Variants in COG5 observed in about 807,000 individuals in gnomAD.
The protein encoded by COG5 is component of oligomeric golgi complex 5.
In COG5, 86 loss-of-function variants were observed where a neutral mutation model predicts 110.4. The ratio of observed to expected loss-of-function variants is 0.78; its 90% CI spans 0.65 to 0.93. The LOEUF is 0.93. Among genes scored for constraint, COG5 ranks in the 40% least tolerant of loss-of-function variants. The pLI, the probability that COG5 is intolerant of heterozygous loss-of-function variation, is 0.00. For missense variants in COG5, 1,077 were observed against 987.0 expected (o/e 1.09, Z -1.22); for synonymous variants, 360 against 334.6 (o/e 1.08, Z -0.83).
chr7:107,337,130 T>C (rs533013031), intron 10 of COG5, among the ~76,000 whole-genome samples: 1 of 151,958 alleles, frequency 6.6e-6, no homozygotes, highest in African/African-American at 2.4e-5. Flanking sequence ...ATGACTACTA[T>C]TAAAAAAACA....
intron 11 of COG5, among the ~76,000 whole-genome samples, chr7:107,317,155 G>A (rs1043520188): frequency 1.3e-5 from 2 of 152,068 alleles, no homozygotes; most frequent in Admixed American, 1.3e-4. Context: ...ATAGGACGGT[G>A]ATTCCTCAGA....
At chr7:107,544,000 C>T (rs1043418472) in intron 5 of COG5, among the ~76,000 whole-genome samples, 2 of 152,050 alleles carry the variant, frequency 1.3e-5, no homozygotes, top group African/African-American at 4.8e-5. Context: ...CCCTTGCAGA[C>T]CCAGCCTCCA....
At chr7:107,550,578 T>G (rs1802812365) in intron 3 of COG5, among the ~76,000 whole-genome samples, 1 of 152,192 alleles carries the variant, frequency 6.6e-6, no homozygotes, top group Non-Finnish European at 1.5e-5. Context: ...TCTCCTCAAA[T>G]CTTCACATGA....
chr7:107,561,382 G>A (rs1584969696), intron 1 of COG5, among the ~76,000 whole-genome samples: 1 of 152,178 alleles, frequency 6.6e-6, no homozygotes, highest in Non-Finnish European at 1.5e-5. Flanking sequence ...AACAGAGACC[G>A]CTTAATTCAG....
intron 6 of COG5, among the ~76,000 whole-genome samples, chr7:107,428,605 G>T (rs555801610): frequency 6.6e-6 from 1 of 152,308 alleles, no homozygotes; most frequent in South Asian, 2.1e-4. Context: ...CCAGAACTAT[G>T]TAAGAATAAT....
intron 12 of COG5, among the ~76,000 whole-genome samples, chr7:107,291,027 CTGTT>C (rs1039911752): frequency 6.6e-6 from 1 of 152,106 alleles, no homozygotes; most frequent in Non-Finnish European, 1.5e-5. Flanking sequence ...CACGATGTAT[CTGTT>C]TGTGGGTCTT....
chr7:107,545,860 C>T (rs574409678), intron 5 of COG5, among the ~76,000 whole-genome samples: 6 of 150,830 alleles, frequency 4.0e-5, no homozygotes, highest in Admixed American at 2.6e-4. Context: ...TTTAACTACA[C>T]TCTAAAACAA....
At position 107,548,337 on chromosome 7, in the gene COG5, G is replaced by A. The variant is rs1802621479; in HGVS notation, c.293-5C>T. On this transcript the variant is annotated splice_polypyrimidine_tract_variant and splice_region_variant and intron_variant, in intron 3 of 21. Transcript: ENST00000297135. ...TCTGCATCATCTGAAGAACACCTAG[G>A]AAAACATAAGTTTACATTGGCTTTA... The A allele has an allele frequency of 1.5e-5, 24 of 1,613,440 alleles. No individual in the cohort carries two copies. The highest frequency in any genetic ancestry group is 4.0e-5 in the African/African-American group (3 of 74,902).
chr7:107,411,549 T>C (rs1351191982), intron 7 of COG5, among the ~76,000 whole-genome samples: 2 of 152,134 alleles, frequency 1.3e-5, no homozygotes, highest in East Asian at 1.9e-4. Context: ...ATTTCTATCC[T>C]GGGTTTTGAT....
chr7:107,433,661 G>A (rs1010336503), intron 6 of COG5, among the ~76,000 whole-genome samples: 8 of 152,040 alleles, frequency 5.3e-5, no homozygotes, highest in African/African-American at 1.7e-4. Flanking sequence ...TTAGCTATAC[G>A]CAAAATTTAA....
intron 6 of COG5, among the ~76,000 whole-genome samples, chr7:107,453,873 T>C (rs1279380985): frequency 6.6e-6 from 1 of 152,126 alleles, no homozygotes; most frequent in Non-Finnish European, 1.5e-5. Flanking sequence ...AATATTAAAT[T>C]ATTGTATTAC....
chr7:107,428,227 T>C (rs1050450317), intron 6 of COG5, among the ~76,000 whole-genome samples: 2 of 152,050 alleles, frequency 1.3e-5, no homozygotes, highest in Non-Finnish European at 2.9e-5. Context: ...CATTTGAAGG[T>C]GGGGTTTCAT....
chr7:107,319,592 C>T (rs767412369), intron 11 of COG5, among the ~76,000 whole-genome samples: 10 of 152,168 alleles, frequency 6.6e-5, no homozygotes, highest in Non-Finnish European at 1.3e-4. Context: ...TGTCTGAAAA[C>T]AGGTGTTTCA....
At chr7:107,425,423 T>G (rs1452467120) in intron 6 of COG5, among the ~76,000 whole-genome samples, 1 of 151,480 alleles carries the variant, frequency 6.6e-6, no homozygotes, top group African/African-American at 2.4e-5. Flanking sequence ...CATATAAACA[T>G]TAATGACCAC....
At chr7:107,270,312 T>C (rs1584601144) in intron 14 of COG5, among the ~76,000 whole-genome samples, 1 of 149,488 alleles carries the variant, frequency 6.7e-6, no homozygotes, top group East Asian at 2.0e-4. Context: ...CCGGCTGGAG[T>C]GCAGTGGCCA....
chr7:107,226,730 T>C (rs1800367344), intron 19 of COG5, among the ~76,000 whole-genome samples: 2 of 152,210 alleles, frequency 1.3e-5, no homozygotes, highest in Admixed American at 1.3e-4. Flanking sequence ...CCTTAATATA[T>C]TATACTTCTG....
At chr7:107,306,253 T>A (rs549622809) in intron 11 of COG5, among the ~76,000 whole-genome samples, 1 of 152,232 alleles carries the variant, frequency 6.6e-6, no homozygotes, top group Non-Finnish European at 1.5e-5. Flanking sequence ...AGTTCAGACA[T>A]ACAATAAGAG....
At chr7:107,375,473 C>T (rs1006733764) in intron 7 of COG5, among the ~76,000 whole-genome samples, 20 of 151,980 alleles carry the variant, frequency 1.3e-4, no homozygotes, top group African/African-American at 3.9e-4. Context: ...CTCCCACCAG[C>T]GATATATGAA....
At chr7:107,364,113 A>T (rs957101138) in intron 8 of COG5, among the ~76,000 whole-genome samples, 3 of 152,262 alleles carry the variant, frequency 2.0e-5, no homozygotes, top group Non-Finnish European at 4.4e-5. Flanking sequence ...CATCAGCAAT[A>T]ATGAAACAAA....
Sources: gnomAD v4.1 joint callset for allele counts (sites outside exome capture counted in the v4.1 genomes callset) on GRCh38, gnomAD v4.1.1 for gene constraint, MANE v1.5 for transcripts, NCBI Gene and HGNC (gene_info 2026-07-23, HGNC 2026-07-21) for gene names.